The following DRC7 variants were observed in gnomAD, a reference collection of about 807,000 sequenced individuals.
The protein encoded by DRC7 is coiled-coil domain containing 135.
In DRC7, 80 loss-of-function variants were observed where a neutral mutation model predicts 104.4. The ratio of observed to expected loss-of-function variants is 0.77; its 90% CI spans 0.64 to 0.92. The LOEUF (loss-of-function observed/expected upper bound fraction) is 0.92. DRC7 is among the 40% of genes least tolerant of loss of function. DRC7 has a pLI of 0.00. For synonymous variants in DRC7, 405 were observed against 447.3 expected (o/e 0.91, Z 1.19); for missense variants, 1,034 against 1,141.1 (o/e 0.91, Z 1.35).
chr16:57,721,865 A>C, intron 10 of DRC7, 126 bp downstream of exon 10: 3 of 663,948 alleles, frequency 4.5e-6, no homozygotes, highest in South Asian at 1.8e-5. Flanking sequence ...CACCCTTCTC[A>C]CCTTCAGCTG....
At chr16:57,699,843 C>T (rs1447488820) in intron 4 of DRC7, among the ~76,000 whole-genome samples, 5 of 152,160 alleles carry the variant, frequency 3.3e-5, no homozygotes, top group Admixed American at 1.3e-4. Flanking sequence ...GGGTTGAAGG[C>T]GGCAAAACTT....
At chr16:57,724,438 A>C (rs780630986) in intron 12 of DRC7, among the ~76,000 whole-genome samples, 177 bp from the exon 13 acceptor site, 2 of 152,194 alleles carry the variant, frequency 1.3e-5, no homozygotes, top group Non-Finnish European at 2.9e-5. Context: ...GTTGGTAATA[A>C]TCAGAAAAAG....
At chr16:57,720,365 G>C (rs2048890013) in intron 9 of DRC7, among the ~76,000 whole-genome samples, 1 of 152,194 alleles carries the variant, frequency 6.6e-6, no homozygotes, top group African/African-American at 2.4e-5. Flanking sequence ...CATCTCAAAA[G>C]GGTGCTAAAT....
rs746217306 is a variant in DRC7, at chr16:57,722,750, T to G, written c.1317T>G (p.Ile439Met). ...GCTGCCCGAACGGGAAGAAGGTGATTCAGTACAAGAGGGCAAAGCTGGAGA... is the reference window on the plus strand; with the variant it reads ...GCTGCCCGAACGGGAAGAAGGTGATGCAGTACAAGAGGGCAAAGCTGGAGA... Reference protein sequence around the residue: ...ETRCPNGKKVIQYKRAKLEKW... With the variant: ...ETRCPNGKKVMQYKRAKLEKW... Residue 439 changes from isoleucine (I) to methionine (M), a missense_variant, in exon 11 of 19, where the codon ATT (isoleucine) becomes ATG (methionine). Transcript: ENST00000360716. 4.3e-6 allele frequency: 7 copies of G among 1,613,832 alleles called. No individual in the cohort carries two copies. The highest frequency in any genetic ancestry group is 4.2e-6 in the Non-Finnish European group (5 of 1,179,988).
chr16:57,702,837 A>G (rs2048674156), intron 6 of DRC7, among the ~76,000 whole-genome samples: 1 of 152,054 alleles, frequency 6.6e-6, no homozygotes, highest in African/African-American at 2.4e-5. Context: ...ATAACAGACA[A>G]GTGAACAGAC....
chr16:57,708,035 A>G (rs1201786616), intron 8 of DRC7, among the ~76,000 whole-genome samples: 1 of 152,232 alleles, frequency 6.6e-6, no homozygotes, highest in African/African-American at 2.4e-5. Flanking sequence ...CTACACCCAG[A>G]CCAAGAAATA....
At chr16:57,704,693 G>C (rs1446896249) in intron 6 of DRC7, among the ~76,000 whole-genome samples, 183 bp from the exon 7 acceptor site, 3 of 152,246 alleles carry the variant, frequency 2.0e-5, no homozygotes. Context: ...ATTCAGAGAA[G>C]TGAGAGGACC....
chr16:57,708,372 T>C (rs1369377248), intron 8 of DRC7, among the ~76,000 whole-genome samples: 2 of 152,238 alleles, frequency 1.3e-5, no homozygotes, highest in Non-Finnish European at 2.9e-5. Flanking sequence ...AGTGATTCAA[T>C]ACTCTTACTC....
At position 57,701,882 on chromosome 16, in the gene DRC7, G is replaced by A. The variant is rs1445087556; in HGVS notation, c.505-54G>A. 13 of 1,504,702 alleles carry A rather than the reference G, an allele frequency of 8.6e-6. No individual in the cohort carries two copies. The Admixed American group carries it at 1.0e-4, about 12-fold the overall frequency. 93.2% of individuals were successfully genotyped at this position (1,504,702 alleles called of 1,614,324 possible). A position where few individuals can be genotyped will look rare whatever the true frequency, so the allele number is the denominator to read the frequency against. On this transcript the variant is annotated intron_variant, in intron 5 of 18. Transcript: ENST00000360716. Reference sequence around the variant, plus strand: ...GGTGGTGGGCTGTGACCGGTGGGGAGGACAGGCTGGGGCAGCGGGGCCCCA... The same window carrying A: ...GGTGGTGGGCTGTGACCGGTGGGGAAGACAGGCTGGGGCAGCGGGGCCCCA...
chr16:57,730,370 T>A (rs1235105492), intron 17 of DRC7, among the ~76,000 whole-genome samples: 1 of 150,690 alleles, frequency 6.6e-6, no homozygotes, highest in Non-Finnish European at 1.5e-5. Context: ...AGTGGATAGA[T>A]GGACGGTTGG....
chr16:57,697,474 G>A (rs901408963), intron 2 of DRC7, among the ~76,000 whole-genome samples: 1 of 151,776 alleles, frequency 6.6e-6, no homozygotes, highest in Admixed American at 6.6e-5. Context: ...AGGCTGAGGT[G>A]GGAGGATTGC....
chr16:57,709,128 CAA>C (rs10536559), intron 8 of DRC7, among the ~76,000 whole-genome samples: 28,430 of 107,454 alleles, frequency 0.26, 2,852 homozygotes, highest in South Asian at 0.33. Flanking sequence ...GACTCTGTCT[CAA>C]AAAAAAAAAA....
At chr16:57,728,607 G>A (rs570774919) in intron 17 of DRC7, 23 bp downstream of exon 17, 1 of 1,540,636 alleles carries the variant, frequency 6.5e-7, no homozygotes, top group Non-Finnish European at 8.8e-7. Context: ...CCTTTGTTGG[G>A]GAGGGGGGGA....
At chr16:57,725,586 C>T (rs1308940957) in intron 13 of DRC7, 1 of 158,152 alleles carries the variant, frequency 6.3e-6, no homozygotes, top group Non-Finnish European at 1.4e-5. Context: ...TATGTTGCCA[C>T]GGATTATAGG....
chr16:57,726,123 C>G lies in DRC7; in HGVS notation c.1814C>G (p.Ala605Gly). Reference protein sequence around the residue: ...NPAKPAEEDVAERVFLVAEER... With the variant: ...NPAKPAEEDVGERVFLVAEER... ...GCGAAGCCCGCGGAGGAGGACGTGG[C>G]AGAGCGCGTGTTTCTGGTCGCGGAG... Residue 605 changes from alanine to glycine, a missense_variant, in exon 14 of 19, where the codon GCA becomes GGA. By Grantham distance (60) the Ala-to-Gly change is moderately conservative. Transcript: ENST00000360716. The G allele has an allele frequency of 1.9e-6, 3 of 1,613,268 alleles. No individual in the cohort carries two copies. The highest frequency in any genetic ancestry group is 2.5e-6 in the Non-Finnish European group (3 of 1,180,024).
intron 6 of DRC7, 52 bp from the exon 7 acceptor site, chr16:57,704,824 T>C (rs1476947707): frequency 1.9e-6 from 3 of 1,594,362 alleles, no homozygotes; most frequent in African/African-American, 1.3e-5. Flanking sequence ...GAGTTGCACA[T>C]GTAAAGGGGG....
chr16:57,730,875 C>G, intron 17 of DRC7, 56 bp from the exon 18 acceptor site: 1 of 1,592,546 alleles, frequency 6.3e-7, no homozygotes, highest in East Asian at 2.2e-5. Context: ...CAGCCTGCAG[C>G]CTGGGTGAAG....
At position 57,698,044 on chromosome 16, in the gene DRC7, TGAGG is replaced by T; in HGVS notation, c.96_99del (p.Met32IlefsTer12). On this transcript the variant is annotated frameshift_variant, in exon 3 of 19. Coordinates refer to ENST00000360716, the MANE Select transcript of DRC7 (RefSeq NM_001289162.2). LOFTEE classifies it high-confidence loss of function. Reference sequence around the variant, plus strand: ...GAATGGGCGAGGATGGAGAAAATGATGAGGCCAGTTGAGGTGCGGAAGGAGGAAA... The same window carrying T: ...GAATGGGCGAGGATGGAGAAAATGATCCAGTTGAGGTGCGGAAGGAGGAAA... The T allele has an allele frequency of 1.2e-6, 2 of 1,613,988 alleles. No individual in the cohort carries two copies. Among genetic ancestry groups the T allele is most frequent in the Non-Finnish European group, 1.7e-6 (2 of 1,180,010 alleles).
intron 16 of DRC7, 31 bp downstream of exon 16, chr16:57,727,440 C>A (rs1455812595): frequency 1.3e-5 from 20 of 1,542,240 alleles, no homozygotes; most frequent in Non-Finnish European, 1.7e-5. Flanking sequence ...CAGGCCCCAG[C>A]TTTTCCTAGA....
Sources: gnomAD v4.1 joint callset for allele counts (sites outside exome capture counted in the v4.1 genomes callset) on GRCh38, gnomAD v4.1.1 for gene constraint, MANE v1.5 for transcripts, NCBI Gene and HGNC (gene_info 2026-07-23, HGNC 2026-07-21) for gene names.